Variants in UBE2K observed in about 807,000 individuals in gnomAD.
UBE2K encodes ubiquitin-conjugating enzyme E2 K.
A neutral mutation model predicts 30.0 loss-of-function variants in UBE2K; 6 were observed. The ratio of observed to expected loss-of-function variants is 0.20; its 90% CI spans 0.11 to 0.39. UBE2K has a LOEUF of 0.39. UBE2K is among the 10% of genes least tolerant of loss of function. The pLI, the probability that UBE2K is intolerant of heterozygous loss-of-function variation, is 1.00. For missense variants in UBE2K, 61 were observed against 241.6 expected (o/e 0.25, Z 4.96); for synonymous variants, 86 against 83.7 (o/e 1.03, Z -0.15).
At chr4:39,711,185 C>T (rs1466820758) in intron 1 of UBE2K, among the ~76,000 whole-genome samples, 2 of 119,822 alleles carry the variant, frequency 1.7e-5, no homozygotes, top group African/African-American at 6.9e-5. Context: ...TTTTTTGAGA[C>T]GGAGTCTCAC....
chr4:39,778,462 G>T lies in UBE2K; in HGVS notation c.*28G>T. 1.3e-6 allele frequency: 2 copies of T among 1,498,220 alleles called. No homozygotes were observed. Among genetic ancestry groups the T allele is most frequent in the Non-Finnish European group, 1.8e-6 (2 of 1,081,950 alleles). The allele number at this position is 1,498,220 out of a possible 1,614,324, so 92.8% of individuals were successfully genotyped here. On this transcript the variant is annotated 3_prime_UTR_variant, in exon 7 of 7. Transcript: ENST00000261427. ...CATAGAGAGCTGCTGATATAGTCAAGCTTGCCTCTTCTTGAGGAGCACCAA... is the reference window on the plus strand; with the variant it reads ...CATAGAGAGCTGCTGATATAGTCAATCTTGCCTCTTCTTGAGGAGCACCAA...
chr4:39,771,004 C>G, intron 4 of UBE2K: 1 of 1,610,712 alleles, frequency 6.2e-7, no homozygotes, highest in Non-Finnish European at 8.5e-7. Context: ...GCTGACGCTG[C>G]TCACAAGGCT....
At chr4:39,744,857 A>G (rs1200829634) in intron 2 of UBE2K, among the ~76,000 whole-genome samples, 2 of 151,078 alleles carry the variant, frequency 1.3e-5, no homozygotes, top group Non-Finnish European at 3.0e-5. Context: ...AAGTGAGCCG[A>G]GATCACGCCA....
chr4:39,710,825 A>C (rs1410187469), intron 1 of UBE2K, among the ~76,000 whole-genome samples: 2 of 152,104 alleles, frequency 1.3e-5, no homozygotes, highest in Non-Finnish European at 2.9e-5. Flanking sequence ...TATACTTAGA[A>C]GTTTTAAAAG....
At chr4:39,749,628 G>A (rs774435080) in intron 3 of UBE2K, among the ~76,000 whole-genome samples, 18 of 151,964 alleles carry the variant, frequency 1.2e-4, no homozygotes, top group East Asian at 3.9e-4. Context: ...GCAGTGAGCC[G>A]AGATCATGCC....
Position 39,780,943 on chromosome 4 carries a change from A to T in UBE2K, c.*2509A>T, listed in dbSNP as rs1332832132. 3.3e-5 allele frequency: 5 copies of T among 149,574 alleles called. No individual in the cohort carries two copies. Among genetic ancestry groups the T allele is most frequent in the African/African-American group, 9.8e-5 (4 of 40,820 alleles). 9.3% of individuals were successfully genotyped at this position (149,574 alleles called of 1,614,324 possible). Reference sequence around the variant, plus strand: ...TTTTAAAAGCCTCAAAAATTATGTTAAAAAAAAAATCCAGTGAAATCCCAT... The same window carrying T: ...TTTTAAAAGCCTCAAAAATTATGTTTAAAAAAAAATCCAGTGAAATCCCAT... On this transcript the variant is annotated 3_prime_UTR_variant, in exon 7 of 7. Coordinates refer to ENST00000261427, the MANE Select transcript of UBE2K (RefSeq NM_005339.5).
rs771296463 is a variant in UBE2K at position 39,780,886 on chromosome 4, C to T, written c.*2452C>T. 2.0e-5 allele frequency: 3 copies of T among 151,840 alleles called. No individual in the cohort carries two copies. The highest frequency in any genetic ancestry group is 7.3e-5 in the African/African-American group (3 of 41,326). The allele number at this position is 151,840 out of a possible 1,614,324, so 9.4% of individuals were successfully genotyped here. ...CCTGGTGGAAATTATTTTTGTAATT[C>T]TTAATATTTTTGAGTTGGCTCCGTT... On this transcript the variant is annotated 3_prime_UTR_variant, in exon 7 of 7. Transcript: ENST00000261427.
chr4:39,718,047 T>C (rs1719195266), intron 1 of UBE2K, among the ~76,000 whole-genome samples: 1 of 150,050 alleles, frequency 6.7e-6, no homozygotes, highest in Non-Finnish European at 1.5e-5. Flanking sequence ...AGAACAAAGC[T>C]TCCACAGTGT....
chr4:39,769,858 T>TC (rs1219583585), intron 4 of UBE2K, among the ~76,000 whole-genome samples: 5 of 152,082 alleles, frequency 3.3e-5, no homozygotes, highest in African/African-American at 9.7e-5. Context: ...CCTGGCCTAC[T>TC]CCAAGAACCC....
intron 5 of UBE2K, among the ~76,000 whole-genome samples, chr4:39,776,507 C>A (rs1368642463): frequency 6.6e-6 from 1 of 152,082 alleles, no homozygotes; most frequent in South Asian, 2.1e-4. Context: ...TTTCCATGAT[C>A]TGAACTCTGC....
intron 1 of UBE2K, among the ~76,000 whole-genome samples, chr4:39,721,549 G>A (rs998974144): frequency 4.6e-5 from 7 of 152,010 alleles, no homozygotes; most frequent in African/African-American, 1.7e-4. Context: ...TAGAGATGGG[G>A]TTTCACCGTG....
At chr4:39,772,539 C>A (rs962300176) in intron 4 of UBE2K, among the ~76,000 whole-genome samples, 6 of 151,614 alleles carry the variant, frequency 4.0e-5, no homozygotes, top group Non-Finnish European at 2.9e-5. Flanking sequence ...TGTACCACTG[C>A]ACTTTAGCCT....
intron 2 of UBE2K, among the ~76,000 whole-genome samples, chr4:39,742,416 T>C (rs1461629311): frequency 6.6e-6 from 1 of 152,134 alleles, no homozygotes; most frequent in Non-Finnish European, 1.5e-5. Flanking sequence ...GTTCAACTCA[T>C]GCATGAATCA....
rs1578521461 is a variant in UBE2K, at chr4:39,781,261, A to G, written c.*2827A>G. On this transcript the variant is annotated 3_prime_UTR_variant, in exon 7 of 7. Transcript: ENST00000261427. ...TTAAACACGTAACACATTCAAGGAT[A>G]TATAAATGGAGTCTAAGTATTTTGC... 1 of 152,284 alleles carries G rather than the reference A, an allele frequency of 6.6e-6. No individual in the cohort carries two copies. The highest frequency in any genetic ancestry group is 1.9e-4 in the East Asian group (1 of 5,188). 9.4% of individuals were successfully genotyped at this position (152,284 alleles called of 1,614,324 possible). A position where few individuals can be genotyped will look rare whatever the true frequency, so the allele number is the denominator to read the frequency against.
At chr4:39,716,816 G>A (rs993906320) in intron 1 of UBE2K, among the ~76,000 whole-genome samples, 3 of 151,984 alleles carry the variant, frequency 2.0e-5, no homozygotes, top group African/African-American at 4.8e-5. Context: ...TGGGCAACAC[G>A]GTGAAACCCT....
At chr4:39,758,020 A>G (rs150984493) in intron 4 of UBE2K, among the ~76,000 whole-genome samples, 1 of 152,290 alleles carries the variant, frequency 6.6e-6, no homozygotes, top group African/African-American at 2.4e-5. Context: ...TGAGACTCCT[A>G]TCCTGCTGCC....
chr4:39,712,879 T>C (rs1304928351), intron 1 of UBE2K, among the ~76,000 whole-genome samples: 1 of 143,228 alleles, frequency 7.0e-6, no homozygotes, highest in Non-Finnish European at 1.6e-5. Flanking sequence ...TTTTTTTTTT[T>C]AAATGAGACG....
At chr4:39,750,145 G>A (rs2109366050) in intron 3 of UBE2K, among the ~76,000 whole-genome samples, 1 of 152,220 alleles carries the variant, frequency 6.6e-6, no homozygotes, top group South Asian at 2.1e-4. Context: ...AGTAAGCTAA[G>A]ATCGCACCAC....
chr4:39,723,085 C>G (rs1366348687), intron 1 of UBE2K, among the ~76,000 whole-genome samples: 1 of 151,622 alleles, frequency 6.6e-6, no homozygotes, highest in Non-Finnish European at 1.5e-5. Flanking sequence ...TCACTGTCAC[C>G]CAGACTGGAG....
Sources: gnomAD v4.1 joint callset for allele counts (sites outside exome capture counted in the v4.1 genomes callset) on GRCh38, gnomAD v4.1.1 for gene constraint, MANE v1.5 for transcripts, NCBI Gene and HGNC (gene_info 2026-07-23, HGNC 2026-07-21) for gene names.